COL25A1: variants seen among roughly 807,000 people sequenced by gnomAD.
COL25A1 encodes the protein collagen type XXV alpha 1 chain.
In COL25A1, 103 loss-of-function variants were observed where a neutral mutation model predicts 128.4. The ratio of observed to expected loss-of-function variants is 0.80; its 90% confidence interval spans 0.68 to 0.94. The LOEUF (loss-of-function observed/expected upper bound fraction) is 0.94, where lower values mean the gene tolerates loss of function less well. Among genes scored for constraint, COL25A1 ranks in the 40% least tolerant of loss-of-function variants. The pLI is 0.00. For missense variants in COL25A1, 745 were observed against 840.0 expected, an observed-to-expected ratio of 0.89 and a Z score of 1.40; for synonymous variants, 279 against 277.2, an observed-to-expected ratio of 1.01 and a Z score of -0.06.
intron 3 of COL25A1, among the ~76,000 whole-genome samples, chr4:109,200,803 G>A (rs1391814075): frequency 6.6e-6 from 1 of 152,024 alleles, no homozygotes; most frequent in Non-Finnish European, 1.5e-5. Flanking sequence ...ATTTCTCTAT[G>A]TGTAAGTATG....
intron 13 of COL25A1, among the ~76,000 whole-genome samples, chr4:108,913,077 CT>C (rs67787536): frequency 3.3e-5 from 5 of 151,744 alleles, no homozygotes; most frequent in African/African-American, 9.7e-5. Flanking sequence ...TGATATTTAT[CT>C]TTTTTTTTGG....
intron 5 of COL25A1, among the ~76,000 whole-genome samples, chr4:109,047,696 T>TA (rs1446997893): frequency 6.6e-6 from 1 of 151,080 alleles, no homozygotes; most frequent in Admixed American, 6.6e-5. Context: ...ATTGTGTATC[T>TA]AAAAAATAAT....
At chr4:109,005,008 A>AT (rs1365773304) in intron 6 of COL25A1, among the ~76,000 whole-genome samples, 3 of 152,212 alleles carry the variant, frequency 2.0e-5, no homozygotes, top group Non-Finnish European at 4.4e-5. Flanking sequence ...CCCAATCCCT[A>AT]TATTAGTCCA....
At chr4:108,974,472 C>G in intron 7 of COL25A1, 61 bp downstream of exon 7, 1 of 1,604,316 alleles carries the variant, frequency 6.2e-7, no homozygotes, top group Non-Finnish European at 8.5e-7. Flanking sequence ...AAATGTAACA[C>G]AGTATAGGTC....
At chr4:108,908,435 G>A (rs373870005) in intron 13 of COL25A1, among the ~76,000 whole-genome samples, 1 of 152,070 alleles carries the variant, frequency 6.6e-6, no homozygotes, top group Non-Finnish European at 1.5e-5. Flanking sequence ...GCTCCTACTT[G>A]CATCCCCAAT....
chr4:109,212,830 C>T (rs1777684124), intron 3 of COL25A1, among the ~76,000 whole-genome samples: 1 of 152,044 alleles, frequency 6.6e-6, no homozygotes, highest in Non-Finnish European at 1.5e-5. Context: ...ATGGTACATG[C>T]TCAAAAAATT....
intron 18 of COL25A1, among the ~76,000 whole-genome samples, chr4:108,887,165 C>T (rs1390651880): frequency 6.6e-6 from 1 of 152,092 alleles, no homozygotes; most frequent in Non-Finnish European, 1.5e-5. Context: ...ATGAATATAA[C>T]TCTAGATCTC....
intron 3 of COL25A1, among the ~76,000 whole-genome samples, chr4:109,183,870 T>C (rs1044261267): frequency 4.3e-5 from 6 of 140,538 alleles, no homozygotes; most frequent in African/African-American, 1.6e-4. Flanking sequence ...TGTTTAAACT[T>C]AAAATATTTA....
chr4:108,996,182 TAA>T (rs1264138099), intron 6 of COL25A1, among the ~76,000 whole-genome samples: 30 of 148,346 alleles, frequency 2.0e-4, no homozygotes, highest in African/African-American at 6.0e-4. Context: ...GCAAATTGGA[TAA>T]AGAGTCAGGA....
intron 24 of COL25A1, among the ~76,000 whole-genome samples, chr4:108,855,094 A>G (rs1297919715): frequency 6.6e-6 from 1 of 151,902 alleles, no homozygotes; most frequent in East Asian, 1.9e-4. Context: ...ATAGAGAAAC[A>G]TTATTCAATT....
intron 3 of COL25A1, among the ~76,000 whole-genome samples, chr4:109,063,601 G>A (rs1218272358): frequency 6.6e-6 from 1 of 152,020 alleles, no homozygotes; most frequent in African/African-American, 2.4e-5. Flanking sequence ...CAGCACCTTG[G>A]GAAGCAGAGG....
At chr4:108,930,411 A>G (rs1162567655) in intron 11 of COL25A1, among the ~76,000 whole-genome samples, 4 of 152,138 alleles carry the variant, frequency 2.6e-5, no homozygotes, top group South Asian at 2.1e-4. Context: ...CTCTGCCCCA[A>G]TGACTTGAGC....
intron 3 of COL25A1, among the ~76,000 whole-genome samples, chr4:109,245,086 A>G (rs1780172940): frequency 6.6e-6 from 1 of 152,178 alleles, no homozygotes; most frequent in South Asian, 2.1e-4. Context: ...TAACTTAGGA[A>G]GGGTTTAAGT....
At chr4:109,076,031 A>C (rs993254861) in intron 3 of COL25A1, among the ~76,000 whole-genome samples, 5 of 152,180 alleles carry the variant, frequency 3.3e-5, no homozygotes, top group African/African-American at 1.2e-4. Context: ...TATAACAATT[A>C]TTTACATAGC....
intron 3 of COL25A1, among the ~76,000 whole-genome samples, chr4:109,228,859 A>G (rs1778978971): frequency 1.3e-5 from 2 of 152,206 alleles, no homozygotes; most frequent in Non-Finnish European, 2.9e-5. Flanking sequence ...AGTGGCTAAG[A>G]TGTAGGAAAT....
chr4:109,297,863 T>C (rs1725128960), intron 3 of COL25A1, among the ~76,000 whole-genome samples: 1 of 36,510 alleles, frequency 2.7e-5, no homozygotes, highest in Non-Finnish European at 4.5e-5. Context: ...TTTCCTTTTC[T>C]TTTTTTTTTT....
At chr4:109,084,623 T>G (rs1208186486) in intron 3 of COL25A1, among the ~76,000 whole-genome samples, 1 of 152,226 alleles carries the variant, frequency 6.6e-6, no homozygotes, top group Non-Finnish European at 1.5e-5. Context: ...TTCTTGTATG[T>G]TATTATACAA....
At chr4:109,259,703 TA>T (rs1781304465) in intron 3 of COL25A1, among the ~76,000 whole-genome samples, 1 of 152,222 alleles carries the variant, frequency 6.6e-6, no homozygotes, top group Admixed American at 6.5e-5. Flanking sequence ...TTTAAACATG[TA>T]ATATATATTC....
At position 108,942,446 on chromosome 4, in the gene COL25A1, T is replaced by C. The variant is rs548684151; in HGVS notation, c.493-1009A>G. On this transcript the variant is annotated intron_variant, in intron 8 of 37. Coordinates refer to ENST00000399132, the MANE Select transcript of COL25A1 (RefSeq NM_198721.4). ...CACATAAGGCCCCAAAATAAACCTT[T>C]TTTTTTTTTCTTTTTAAGATGAAGT... 9.6e-4 allele frequency among the ~76,000 whole-genome samples: 146 copies of C among 152,020 alleles called. 3 individuals carry two copies. Among genetic ancestry groups the C allele is most frequent in the Non-Finnish European group, 1.5e-3 (105 of 67,972 alleles).
Sources: gnomAD v4.1 joint callset for allele counts (sites outside exome capture counted in the v4.1 genomes callset) on GRCh38, gnomAD v4.1.1 for gene constraint, MANE v1.5 for transcripts, NCBI Gene and HGNC (gene_info 2026-07-23, HGNC 2026-07-21) for gene names.